Variants in ZNF521 observed in about 807,000 individuals in gnomAD.
ZNF521 encodes zinc finger protein 521, also known as LYST-interacting protein 3.
ZNF521 carries 14 observed loss-of-function variants against 105.5 expected under a neutral mutation model. The ratio of observed to expected loss-of-function variants is 0.13; its 90% CI spans 0.09 to 0.21. The LOEUF is 0.21. ZNF521 is among the 10% of genes least tolerant of loss of function. The pLI is 1.00. For synonymous variants in ZNF521, 635 were observed against 606.0 expected, an observed-to-expected ratio of 1.05 and a Z score of -0.70; for missense variants, 1,233 against 1,629.7, an observed-to-expected ratio of 0.76 and a Z score of 4.19.
intron 3 of ZNF521, among the ~76,000 whole-genome samples, chr18:25,286,105 G>C (rs1174072469): frequency 2.0e-5 from 3 of 152,218 alleles, no homozygotes. Context: ...GCTGCAGTGC[G>C]CGCTCTCAGG....
chr18:25,201,276 A>C (rs185565089), intron 4 of ZNF521: 1 of 152,248 alleles, frequency 6.6e-6, no homozygotes, highest in East Asian at 1.9e-4. Context: ...CCTCCAGGTA[A>C]AAATCCTAGT....
chr18:25,291,857 A>T (rs1355790662), intron 3 of ZNF521, among the ~76,000 whole-genome samples: 1 of 152,188 alleles, frequency 6.6e-6, no homozygotes, highest in African/African-American at 2.4e-5. Flanking sequence ...CTCTCTAGAT[A>T]CAACTGTACT....
chr18:25,067,278 A>G (rs1386243566), intron 7 of ZNF521, among the ~76,000 whole-genome samples: 1 of 152,110 alleles, frequency 6.6e-6, no homozygotes, highest in Non-Finnish European at 1.5e-5. Flanking sequence ...GGTTTCAAAA[A>G]CACTTTCTTT....
chr18:25,288,870 C>T (rs905845925), intron 3 of ZNF521, among the ~76,000 whole-genome samples: 1 of 152,208 alleles, frequency 6.6e-6, no homozygotes, highest in Non-Finnish European at 1.5e-5. Context: ...AAATGGATTA[C>T]TGCCAGACAT....
chr18:25,156,926 A>G (rs2035155899), intron 5 of ZNF521, among the ~76,000 whole-genome samples: 1 of 152,126 alleles, frequency 6.6e-6, no homozygotes, highest in Non-Finnish European at 1.5e-5. Context: ...AGAAATGGCA[A>G]AGGTGGCTCA....
chr18:25,146,416 G>A (rs2034944331), intron 5 of ZNF521, among the ~76,000 whole-genome samples: 1 of 151,976 alleles, frequency 6.6e-6, no homozygotes, highest in Non-Finnish European at 1.5e-5. Flanking sequence ...TGTCCTTTGG[G>A]GCTAGGATAT....
chr18:25,343,672 A>C (rs973912816), intron 2 of ZNF521, among the ~76,000 whole-genome samples: 1 of 152,206 alleles, frequency 6.6e-6, no homozygotes, highest in Non-Finnish European at 1.5e-5. Flanking sequence ...TTTATTTAAA[A>C]ATAAGATTCA....
At chr18:25,296,960 G>C (rs1392406387) in intron 3 of ZNF521, among the ~76,000 whole-genome samples, 1 of 151,962 alleles carries the variant, frequency 6.6e-6, no homozygotes, top group Admixed American at 6.6e-5. Flanking sequence ...TTGAATGAAT[G>C]AATGAAAAAA....
intron 5 of ZNF521, among the ~76,000 whole-genome samples, chr18:25,140,425 A>G (rs1372159812): frequency 6.6e-6 from 1 of 152,228 alleles, no homozygotes; most frequent in African/African-American, 2.4e-5. Flanking sequence ...CAATGACGGC[A>G]GGAAATCTGT....
chr18:25,315,347 G>A (rs1282635173), intron 3 of ZNF521, among the ~76,000 whole-genome samples: 2 of 152,074 alleles, frequency 1.3e-5, no homozygotes, highest in Non-Finnish European at 2.9e-5. Flanking sequence ...ACTTATACAT[G>A]TTGGACTGTA....
chr18:25,200,079 C>T (rs1039646881), intron 4 of ZNF521, among the ~76,000 whole-genome samples: 1 of 152,066 alleles, frequency 6.6e-6, no homozygotes, highest in Non-Finnish European at 1.5e-5. Flanking sequence ...ACAGGTATAA[C>T]CAAGCCAGGA....
In ZNF521 at chr18:25,167,088, T is replaced by C. The variant is rs867770907; in HGVS notation, c.3658+28072A>G. Among the ~76,000 whole-genome samples, 9 of 152,220 alleles carry C rather than the reference T, an allele frequency of 5.9e-5. No homozygotes were observed. The South Asian group carries it at 8.3e-4, about 14-fold the overall frequency. ...AAGAAAGTGAGGTTTAATTGTTCTC[T>C]TCCTAGCACAGGTGAACCTAGTTCA... On this transcript the variant is annotated intron_variant, in intron 5 of 7. Coordinates refer to ENST00000361524, the MANE Select transcript of ZNF521 (RefSeq NM_015461.3).
chr18:25,136,252 T>C (rs1242275853), intron 5 of ZNF521, among the ~76,000 whole-genome samples: 5 of 152,216 alleles, frequency 3.3e-5, no homozygotes, highest in Admixed American at 3.3e-4. Context: ...CCAATTTGTT[T>C]AAAATACTTC....
chr18:25,217,531 A>T (rs1306380685), intron 4 of ZNF521, among the ~76,000 whole-genome samples: 1 of 152,188 alleles, frequency 6.6e-6, no homozygotes, highest in Admixed American at 6.5e-5. Flanking sequence ...CCAGGAGTCT[A>T]GGGTATACAT....
At chr18:25,197,303 GA>G (rs1345905475) in intron 4 of ZNF521, among the ~76,000 whole-genome samples, 1 of 151,700 alleles carries the variant, frequency 6.6e-6, no homozygotes, top group Non-Finnish European at 1.5e-5. Context: ...CAAAAACAAT[GA>G]ACCGTGATTT....
At position 25,206,558 on chromosome 18, in the gene ZNF521, T is replaced by C. The variant is rs999580242; in HGVS notation, c.3574-11314A>G. 4.6e-5 allele frequency among the ~76,000 whole-genome samples: 7 copies of C among 152,186 alleles called. No individual in the cohort carries two copies. The East Asian group carries it at 1.3e-3, about 29-fold the overall frequency. ...TGTGTCTTACCTACAAAATGTGGTT[T>C]GTCTTATACTAGATCATTTCATTTA... On this transcript the variant is annotated intron_variant, in intron 4 of 7. Transcript: ENST00000361524.
chr18:25,095,776 T>C (rs190990844), intron 5 of ZNF521, among the ~76,000 whole-genome samples: 55 of 152,292 alleles, frequency 3.6e-4, no homozygotes, highest in Admixed American at 1.7e-3. Context: ...GCCACGTATG[T>C]ACAAAAACAA....
Position 25,325,800 on chromosome 18 carries a change from G to A in ZNF521, c.41-3613C>T, listed in dbSNP as rs371815728. 3.8e-4 allele frequency among the ~76,000 whole-genome samples: 58 copies of A among 152,292 alleles called. No individual in the cohort carries two copies. The East Asian group carries it at 0.011, about 28-fold the overall frequency. ...CACACGCACAATTATTATTACAAAA[G>A]TAAGTGGCAGCTTTCTGTTTCCAAT... On this transcript the variant is annotated intron_variant, in intron 2 of 7. Coordinates refer to ENST00000361524, the MANE Select transcript of ZNF521 (RefSeq NM_015461.3).
At chr18:25,316,296 G>C (rs1300991841) in intron 3 of ZNF521, among the ~76,000 whole-genome samples, 1 of 132,088 alleles carries the variant, frequency 7.6e-6, no homozygotes, top group African/African-American at 2.8e-5. Flanking sequence ...AAATGGGGCT[G>C]AATGAAATTA....
Sources: gnomAD v4.1 joint callset for allele counts (sites outside exome capture counted in the v4.1 genomes callset) on GRCh38, gnomAD v4.1.1 for gene constraint, MANE v1.5 for transcripts, NCBI Gene and HGNC (gene_info 2026-07-23, HGNC 2026-07-21) for gene names.